The following SP100 variants were observed in gnomAD, a reference collection of about 807,000 sequenced individuals.
The protein encoded by SP100 is SP100 nuclear body protein, also known as nuclear autoantigen Sp-100.
SP100 carries 84 observed loss-of-function variants against 130.0 expected under a neutral mutation model. The observed-to-expected ratio is 0.65, with a 90% CI of 0.54 to 0.77. The LOEUF is 0.77. SP100 is among the 30% of genes least tolerant of loss of function. SP100 has a pLI of 0.00. For missense variants in SP100, 978 were observed against 1,052.2 expected (o/e 0.93, Z 0.97); for synonymous variants, 331 against 351.7 (o/e 0.94, Z 0.66).
At chr2:230,424,329 G>C (rs930466337) in intron 2 of SP100, among the ~76,000 whole-genome samples, 4 of 152,292 alleles carry the variant, frequency 2.6e-5, no homozygotes, top group Non-Finnish European at 4.4e-5. Context: ...GAGCTCACAT[G>C]CTATATGGAT....
At chr2:230,458,824 G>C (rs567693744) in intron 8 of SP100, among the ~76,000 whole-genome samples, 50 of 152,126 alleles carry the variant, frequency 3.3e-4, no homozygotes, top group Middle Eastern at 3.4e-3. Context: ...CATCAGATGC[G>C]AAAGTATTTT....
At chr2:230,436,480 A>G (rs556258340) in intron 2 of SP100, among the ~76,000 whole-genome samples, 2 of 152,204 alleles carry the variant, frequency 1.3e-5, no homozygotes, top group South Asian at 4.1e-4. Context: ...ATCTGATGGT[A>G]TAAGGGCCTC....
At chr2:230,466,027 A>T (rs2064927998) in intron 11 of SP100, among the ~76,000 whole-genome samples, 1 of 151,994 alleles carries the variant, frequency 6.6e-6, no homozygotes, top group Non-Finnish European at 1.5e-5. Context: ...TTTACTAAAA[A>T]TACAAAAATT....
chr2:230,522,813 A>T (rs2150098411), intron 24 of SP100, among the ~76,000 whole-genome samples: 1 of 150,874 alleles, frequency 6.6e-6, no homozygotes, highest in South Asian at 2.1e-4. Context: ...TTTAAAAAAT[A>T]TTTTTTACTT....
Position 230,494,425 on chromosome 2 carries a change from GA to G in SP100, c.1612del (p.Arg538GlyfsTer6), listed in dbSNP as rs1270376363. On this transcript the variant is annotated frameshift_variant, in exon 18 of 29. Coordinates refer to ENST00000340126, the MANE Select transcript of SP100 (RefSeq NM_001080391.2). LOFTEE classifies it high-confidence loss of function. ...EKHSGKRRKK[R>X]RHRSKVNGLQ... ...TCTTTTCTGTTTGCAGGAAAAAAGA[GA>G]AGGCATAGATCTAAAGTAAATGGTC... 6 of 1,604,756 alleles carry G rather than the reference GA, an allele frequency of 3.7e-6. No individual in the cohort carries two copies. The highest frequency in any genetic ancestry group is 5.1e-6 in the Non-Finnish European group (6 of 1,171,890).
At chr2:230,488,569 A>T (rs2066235228) in intron 17 of SP100, among the ~76,000 whole-genome samples, 1 of 152,024 alleles carries the variant, frequency 6.6e-6, no homozygotes. Context: ...ACCCGCCACC[A>T]TGCCTGGCTA....
chr2:230,470,523 C>A, intron 15 of SP100: 1 of 595,670 alleles, frequency 1.7e-6, no homozygotes, highest in Non-Finnish European at 2.1e-6. Flanking sequence ...AGATCAAACA[C>A]TCTCAAACGT....
At chr2:230,507,700 C>T (rs1690225748) in intron 22 of SP100, among the ~76,000 whole-genome samples, 1 of 152,092 alleles carries the variant, frequency 6.6e-6, no homozygotes, top group South Asian at 2.1e-4. Flanking sequence ...GGGCATTCTA[C>T]ATATATAGAA....
At chr2:230,530,581 G>A (rs1691655691) in intron 24 of SP100, among the ~76,000 whole-genome samples, 1 of 152,058 alleles carries the variant, frequency 6.6e-6, no homozygotes, top group African/African-American at 2.4e-5. Flanking sequence ...TAGACAAATG[G>A]GTTCTAATTA....
chr2:230,423,926 G>A (rs2062845743), intron 2 of SP100, among the ~76,000 whole-genome samples: 1 of 152,122 alleles, frequency 6.6e-6, no homozygotes, highest in African/African-American at 2.4e-5. Context: ...TTTCTTTTGT[G>A]GCCTAGTGCA....
intron 24 of SP100, chr2:230,515,958 T>C (rs1290579187): frequency 1.9e-6 from 2 of 1,045,466 alleles, no homozygotes; most frequent in African/African-American, 3.4e-5. Context: ...CCTTCAGTTG[T>C]CTCTGATGTA....
chr2:230,542,012 C>T lies in SP100; in HGVS notation c.2524C>T (p.His842Tyr). 6.2e-7 allele frequency: 1 copy of T among 1,614,072 alleles called. No homozygotes were observed. Among genetic ancestry groups the T allele is most frequent in the African/African-American group, 1.3e-5 (1 of 75,044 alleles). ...TGTGCAGGACATGCGTCTCATCTTT[C>T]ATAACCACAAGGAATTTTACAGGGT... ...GFVQDMRLIF[H>Y]NHKEFYREDK... Residue 842 changes from histidine (H) to tyrosine (Y), a missense_variant, in exon 28 of 29, where the codon CAT (histidine) becomes TAT (tyrosine). Physicochemically the swap from His to Tyr is moderately conservative, Grantham distance 83 (BLOSUM62 2). Transcript: ENST00000340126.
At position 230,442,964 on chromosome 2, in the gene SP100, T is replaced by G; in HGVS notation, c.135T>G (p.Asp45Glu). 1 of 1,613,992 alleles carries G rather than the reference T, an allele frequency of 6.2e-7. No homozygotes were observed. Reference protein sequence around the residue: ...QRMFTEDQGVDDRLLYDIVFK... With the variant: ...QRMFTEDQGVEDRLLYDIVFK... The stretch of plus-strand genomic sequence containing the variant: ...TGTTCACGGAAGACCAGGGTGTAGA[T>G]GACAGGCTGCTCTATGACATTGTAT... Residue 45 changes from aspartate (D) to glutamate (E), a missense_variant, in exon 3 of 29, where the codon GAT becomes GAG. By Grantham distance (45) the Asp-to-Glu change is conservative. Coordinates refer to ENST00000340126, the MANE Select transcript of SP100 (RefSeq NM_001080391.2).
At chr2:230,434,351 A>AGG (rs1215296532) in intron 2 of SP100, among the ~76,000 whole-genome samples, 1 of 152,162 alleles carries the variant, frequency 6.6e-6, no homozygotes, top group African/African-American at 2.4e-5. Context: ...GTTATTGTTG[A>AGG]GGGGTTTTTG....
intron 8 of SP100, among the ~76,000 whole-genome samples, chr2:230,461,000 C>A (rs2149963028): frequency 8.0e-6 from 1 of 124,854 alleles, no homozygotes; most frequent in East Asian, 2.3e-4. Context: ...GTGTCTTATA[C>A]TGCAATTATA....
chr2:230,416,206 G>A lies in SP100; in HGVS notation c.-91G>A. 1.0e-6 allele frequency: 1 copy of A among 995,658 alleles called. No individual in the cohort carries two copies. Among genetic ancestry groups the A allele is most frequent in the Non-Finnish European group, 1.5e-6 (1 of 646,518 alleles). 61.7% of individuals were successfully genotyped at this position (995,658 alleles called of 1,614,324 possible). On this transcript the variant is annotated 5_prime_UTR_variant, in exon 1 of 29. Transcript: ENST00000340126. Reference sequence around the variant, plus strand: ...AGTCTGTCGGCCGACTTCCTGCTTGGGGCCTGGGCAGCCACACTGCACGCA... The same window carrying A: ...AGTCTGTCGGCCGACTTCCTGCTTGAGGCCTGGGCAGCCACACTGCACGCA...
intron 25 of SP100, 147 bp from the exon 26 acceptor site, chr2:230,540,729 G>A: frequency 1.1e-6 from 1 of 918,940 alleles, no homozygotes; most frequent in African/African-American, 1.6e-5. Flanking sequence ...GAGTCCAAAT[G>A]GGGCTCTAGT....
chr2:230,453,736 A>G (rs2064132003), intron 8 of SP100, among the ~76,000 whole-genome samples: 1 of 152,214 alleles, frequency 6.6e-6, no homozygotes, highest in African/African-American at 2.4e-5. Flanking sequence ...TACGTTTATC[A>G]AGGATAGTGG....
chr2:230,443,005 G>C lies in SP100; in HGVS notation c.176G>C (p.Arg59Thr). 1 of 1,613,912 alleles carries C rather than the reference G, an allele frequency of 6.2e-7. No homozygotes were observed. The highest frequency in any genetic ancestry group is 8.5e-7 in the Non-Finnish European group (1 of 1,179,814). The change falls in exon 3 of 29, where the codon AGA (arginine) becomes ACA (threonine). Residue 59 changes from arginine to threonine, a missense_variant. Transcript: ENST00000340126. ...GACATTGTATTCAAGCACTTCAAAAGAAATAAGGTGGAGATTTCAAATGCA... is the reference window on the plus strand; with the variant it reads ...GACATTGTATTCAAGCACTTCAAAACAAATAAGGTGGAGATTTCAAATGCA... ...LYDIVFKHFKRNKVEISNAIK... is the reference protein window; with the variant it reads ...LYDIVFKHFKTNKVEISNAIK...
Sources: gnomAD v4.1 joint callset for allele counts (sites outside exome capture counted in the v4.1 genomes callset) on GRCh38, gnomAD v4.1.1 for gene constraint, MANE v1.5 for transcripts, NCBI Gene and HGNC (gene_info 2026-07-23, HGNC 2026-07-21) for gene names.